The following CNPY1 variants were observed in gnomAD, a reference collection of about 807,000 sequenced individuals.
The protein encoded by CNPY1 is protein canopy homolog 1.
Under a neutral mutation model 14.4 loss-of-function variants are expected in CNPY1, and 14 were observed. The ratio of observed to expected loss-of-function variants is 0.97; its 90% confidence interval spans 0.64 to 1.52. CNPY1 has a LOEUF of 1.52. Ranked by LOEUF, CNPY1 falls within the 40% of genes most tolerant of loss-of-function variation. The pLI, the probability that CNPY1 is intolerant of heterozygous loss-of-function variation, is 0.00. For missense variants in CNPY1, 129 were observed against 131.5 expected (o/e 0.98, Z 0.09); for synonymous variants, 43 against 46.5 (o/e 0.92, Z 0.31).
At chr7:155,543,117 G>A (rs567397043) in intron 2 of CNPY1, among the ~76,000 whole-genome samples, 2 of 152,248 alleles carry the variant, frequency 1.3e-5, no homozygotes, top group South Asian at 2.1e-4. Flanking sequence ...CTGAAGACAC[G>A]GCCTGTGTTT....
intron 2 of CNPY1, among the ~76,000 whole-genome samples, chr7:155,512,566 GTT>G (rs533323195): frequency 1.7e-3 from 258 of 152,320 alleles, no homozygotes; most frequent in African/African-American, 5.9e-3. Context: ...GAGCTAGGGA[GTT>G]TATTACAGAC....
intron 2 of CNPY1, among the ~76,000 whole-genome samples, chr7:155,516,647 A>G (rs1368421570): frequency 6.6e-6 from 1 of 152,202 alleles, no homozygotes; most frequent in Non-Finnish European, 1.5e-5. Flanking sequence ...ACGCTGGGTC[A>G]CCCAGTAGGA....
At chr7:155,526,866 G>T (rs1033013195) in intron 2 of CNPY1, among the ~76,000 whole-genome samples, 1 of 152,070 alleles carries the variant, frequency 6.6e-6, no homozygotes, top group African/African-American at 2.4e-5. Flanking sequence ...TCAGGAATCT[G>T]TCCTGGAGAA....
chr7:155,507,471 T>TAAAAAAAAAAAAAAAAAAAAAAAA lies in CNPY1; in HGVS notation c.304-379_304-356dup, dbSNP rs35711313. Among the ~76,000 whole-genome samples the TAAAAAAAAAAAAAAAAAAAAAAAA allele has an allele frequency of 3.3e-4, 18 of 54,144 alleles. 2 individuals are homozygous for TAAAAAAAAAAAAAAAAAAAAAAAA. The highest frequency in any genetic ancestry group is 1.8e-3 in the African/African-American group (18 of 10,108). The allele number at this position is 54,144 out of a possible 152,430, so 35.5% of individuals were successfully genotyped here. On this transcript the variant is annotated intron_variant, in intron 3 of 4. Transcript: ENST00000636446. ...CTGAAAAGTCCAACGGTTTTTAAAC[T>TAAAAAAAAAAAAAAAAAAAAAAAA]AAAAAAAAAAAAAAAAAAAAAAAAA... is the stretch of plus-strand genomic sequence containing the variant.
chr7:155,508,765 A>G (rs2116681743), intron 3 of CNPY1, 129 bp downstream of exon 3: 2 of 1,006,612 alleles, frequency 2.0e-6, no homozygotes, highest in East Asian at 2.5e-5. Context: ...TCAGCAGATG[A>G]CATTTTAATG....
intron 2 of CNPY1, among the ~76,000 whole-genome samples, chr7:155,535,710 T>G (rs1189608357): frequency 1.3e-5 from 2 of 152,144 alleles, no homozygotes; most frequent in African/African-American, 4.8e-5. Flanking sequence ...TCCACGGGGC[T>G]GCAGAGGCTG....
intron 3 of CNPY1, among the ~76,000 whole-genome samples, chr7:155,507,829 T>C (rs1053623717): frequency 9.2e-5 from 14 of 152,244 alleles, no homozygotes; most frequent in African/African-American, 3.4e-4. Context: ...GGTTATACTT[T>C]CGGGAGCTGT....
At chr7:155,544,739 A>G (rs1158944507) in intron 2 of CNPY1, among the ~76,000 whole-genome samples, 3 of 152,216 alleles carry the variant, frequency 2.0e-5, no homozygotes, top group Non-Finnish European at 2.9e-5. Flanking sequence ...CAGAGCAGCC[A>G]GTGGGCCTGC....
intron 2 of CNPY1, among the ~76,000 whole-genome samples, chr7:155,542,852 C>G (rs539901499): frequency 2.6e-5 from 4 of 152,240 alleles, no homozygotes; most frequent in Admixed American, 2.6e-4. Context: ...CTGAGAGAAG[C>G]TGGTTTGCAC....
intron 2 of CNPY1, among the ~76,000 whole-genome samples, chr7:155,524,290 A>C (rs1349597693): frequency 6.6e-6 from 1 of 152,244 alleles, no homozygotes. Flanking sequence ...TTTTCCCTCC[A>C]AGATACGAAT....
intron 2 of CNPY1, among the ~76,000 whole-genome samples, chr7:155,517,134 G>A (rs1796636073): frequency 6.6e-6 from 1 of 152,184 alleles, no homozygotes; most frequent in Non-Finnish European, 1.5e-5. Flanking sequence ...CGGGACCTCA[G>A]AATGAGACTG....
intron 2 of CNPY1, among the ~76,000 whole-genome samples, chr7:155,543,622 G>A (rs534596800): frequency 4.6e-5 from 7 of 152,234 alleles, no homozygotes; most frequent in Non-Finnish European, 1.0e-4. Context: ...TCACTCTGCT[G>A]TGAGTTAGCC....
intron 2 of CNPY1, among the ~76,000 whole-genome samples, chr7:155,543,105 C>A (rs904698330): frequency 2.6e-5 from 4 of 152,220 alleles, no homozygotes; most frequent in Non-Finnish European, 4.4e-5. Context: ...GCACCCTCAG[C>A]TCTGAAGACA....
intron 2 of CNPY1, among the ~76,000 whole-genome samples, chr7:155,527,069 T>TCTTTCTTTCTTTCTTTC (rs1585323239): frequency 6.8e-6 from 1 of 147,166 alleles, no homozygotes; most frequent in Non-Finnish European, 1.5e-5. Context: ...TTTTTTTTTT[T>TCTTTCTTTCTTTCTTTC]TTGAGACAGT....
At chr7:155,513,212 ATT>A (rs2116698627) in intron 2 of CNPY1, among the ~76,000 whole-genome samples, 3 of 152,368 alleles carry the variant, frequency 2.0e-5, no homozygotes, top group Admixed American at 2.0e-4. Flanking sequence ...AAAGGCACTC[ATT>A]TCGATGAGGA....
chr7:155,539,074 G>C (rs1028211039), intron 2 of CNPY1, among the ~76,000 whole-genome samples: 1 of 151,422 alleles, frequency 6.6e-6, no homozygotes, highest in Non-Finnish European at 1.5e-5. Flanking sequence ...GCCCAGCTGC[G>C]GTCCCTTGGT....
At chr7:155,515,163 C>A (rs568108526) in intron 2 of CNPY1, among the ~76,000 whole-genome samples, 1 of 152,104 alleles carries the variant, frequency 6.6e-6, no homozygotes, top group Non-Finnish European at 1.5e-5. Context: ...AGGCAGAGAC[C>A]GCTGCAAGCA....
intron 2 of CNPY1, among the ~76,000 whole-genome samples, chr7:155,511,652 T>A (rs1177083005): frequency 6.6e-6 from 1 of 152,240 alleles, no homozygotes; most frequent in East Asian, 1.9e-4. Context: ...ACTGGCTTTT[T>A]GATGTGATTC....
chr7:155,544,084 G>C (rs1415302868), intron 2 of CNPY1, among the ~76,000 whole-genome samples: 1 of 152,172 alleles, frequency 6.6e-6, no homozygotes, highest in Non-Finnish European at 1.5e-5. Context: ...AAAGGCTCAG[G>C]ACCCCCAAAC....
Sources: gnomAD v4.1 joint callset for allele counts (sites outside exome capture counted in the v4.1 genomes callset) on GRCh38, gnomAD v4.1.1 for gene constraint, MANE v1.5 for transcripts, NCBI Gene and HGNC (gene_info 2026-07-23, HGNC 2026-07-21) for gene names.